CNTNAP4: variants seen among roughly 807,000 people sequenced by gnomAD.
The protein encoded by CNTNAP4 is contactin associated protein family member 4.
In CNTNAP4, 98 loss-of-function variants were observed where a neutral mutation model predicts 148.4. That is an observed-to-expected ratio of 0.66 (90% CI 0.56 to 0.78). The LOEUF is 0.78. CNTNAP4 is among the 30% of genes least tolerant of loss of function. The probability of loss-of-function intolerance (pLI) is 0.00; values close to 1 mark genes in which losing one functional copy is unlikely to be tolerated. For missense variants in CNTNAP4, 1,935 were observed against 1,565.6 expected (o/e 1.24, Z -3.98); for synonymous variants, 730 against 565.1 (o/e 1.29, Z -4.14).
rs778423172 is a variant in CNTNAP4, at chr16:76,462,133, CAACTGA to C, written c.1483+30_1483+35del. The C allele has an allele frequency of 4.4e-6, 7 of 1,588,430 alleles. No homozygotes were observed. In the African/African-American group the frequency reaches 8.1e-5, roughly 18 times the overall value. ...AAGAATAGGTGCCAGGCTCTATGAG[CAACTGA>C]ACCATATTTGCATTAGTGCCCCCGT... On this transcript the variant is annotated intron_variant, in intron 9 of 23. Coordinates refer to ENST00000611870, the MANE Select transcript of CNTNAP4 (RefSeq NM_033401.5).
intron 3 of CNTNAP4, among the ~76,000 whole-genome samples, chr16:76,358,806 G>C (rs1427446593): frequency 6.6e-6 from 1 of 152,110 alleles, no homozygotes; most frequent in Admixed American, 6.5e-5. Context: ...TTGTAGTGTA[G>C]ATAAAACAAC....
At chr16:76,469,478 AG>A (rs993072186) in intron 10 of CNTNAP4, 1 of 152,170 alleles carries the variant, frequency 6.6e-6, no homozygotes, top group African/African-American at 2.4e-5. Context: ...AGCAGCCATC[AG>A]GGAAACTGGC....
intron 2 of CNTNAP4, among the ~76,000 whole-genome samples, chr16:76,349,840 C>G (rs1965224190): frequency 6.6e-6 from 1 of 151,982 alleles, no homozygotes; most frequent in African/African-American, 2.4e-5. Flanking sequence ...TTCCTTCTGT[C>G]TCTGCAGTCT....
intron 3 of CNTNAP4, among the ~76,000 whole-genome samples, chr16:76,421,149 T>C (rs2079174584): frequency 6.6e-6 from 1 of 152,088 alleles, no homozygotes; most frequent in South Asian, 2.1e-4. Flanking sequence ...TACTAAACAG[T>C]ATATTTTATA....
At chr16:76,321,640 T>G (rs1456325687) in intron 2 of CNTNAP4, among the ~76,000 whole-genome samples, 1 of 151,348 alleles carries the variant, frequency 6.6e-6, no homozygotes, top group African/African-American at 2.4e-5. Flanking sequence ...ATACAAAAAA[T>G]TAGCCGGGCG....
intron 3 of CNTNAP4, among the ~76,000 whole-genome samples, chr16:76,357,752 C>T (rs934539398): frequency 7.2e-5 from 11 of 152,214 alleles, no homozygotes; most frequent in Admixed American, 2.0e-4. Flanking sequence ...GTGACTCTCT[C>T]TTGCCTCCAT....
At position 76,525,985 on chromosome 16, in the gene CNTNAP4, A is replaced by G. The variant is rs577039679; in HGVS notation, c.2755+3728A>G. ...TATGTATGTATCCGTACATGTATGC[A>G]TGCATGTGTGTGCTCATATATATAT... On this transcript the variant is annotated intron_variant, in intron 17 of 23. Coordinates refer to ENST00000611870, the MANE Select transcript of CNTNAP4 (RefSeq NM_033401.5). Among the ~76,000 whole-genome samples the G allele has an allele frequency of 2.4e-4, 37 of 151,824 alleles. 1 individual carries two copies. The highest frequency in any genetic ancestry group is 5.9e-5 in the Non-Finnish European group (4 of 67,964).
At chr16:76,490,220 G>A (rs2143784084) in intron 13 of CNTNAP4, among the ~76,000 whole-genome samples, 1 of 152,262 alleles carries the variant, frequency 6.6e-6, no homozygotes, top group African/African-American at 2.4e-5. Flanking sequence ...GACACATAAG[G>A]TTTATTTTAT....
chr16:76,317,894 A>T (rs921538950), intron 2 of CNTNAP4, among the ~76,000 whole-genome samples: 4 of 152,210 alleles, frequency 2.6e-5, no homozygotes, highest in African/African-American at 9.6e-5. Context: ...ATGTGAAGGT[A>T]TCAGTGGAGA....
chr16:76,420,188 C>G (rs1014062883), intron 3 of CNTNAP4, among the ~76,000 whole-genome samples: 23 of 65,130 alleles, frequency 3.5e-4, no homozygotes, highest in Admixed American at 2.7e-3. Context: ...TATATTCTAA[C>G]AGAATAATAT....
At chr16:76,474,602 TTTA>T (rs2143599597) in intron 10 of CNTNAP4, among the ~76,000 whole-genome samples, 1 of 152,252 alleles carries the variant, frequency 6.6e-6, no homozygotes, top group Non-Finnish European at 1.5e-5. Flanking sequence ...GGTTTTGTAG[TTTA>T]TTTAGTCGTT....
At chr16:76,339,173 G>A (rs1964263380) in intron 2 of CNTNAP4, among the ~76,000 whole-genome samples, 2 of 146,480 alleles carry the variant, frequency 1.4e-5, no homozygotes, top group Admixed American at 1.4e-4. Context: ...GGCATTTAGA[G>A]ATTTTTAAAA....
intron 1 of CNTNAP4, among the ~76,000 whole-genome samples, chr16:76,283,012 C>T (rs1958746131): frequency 6.6e-6 from 1 of 151,486 alleles, no homozygotes; most frequent in South Asian, 2.1e-4. Flanking sequence ...ACCCCCCCAC[C>T]AAAAAAACTA....
At chr16:76,325,033 G>A (rs1962825679) in intron 2 of CNTNAP4, among the ~76,000 whole-genome samples, 1 of 152,140 alleles carries the variant, frequency 6.6e-6, no homozygotes, top group Non-Finnish European at 1.5e-5. Context: ...AACCAAGACA[G>A]CCAGCCCTCG....
At chr16:76,380,837 A>T (rs1339524663) in intron 3 of CNTNAP4, among the ~76,000 whole-genome samples, 1 of 152,166 alleles carries the variant, frequency 6.6e-6, no homozygotes, top group African/African-American at 2.4e-5. Context: ...TATATATAGG[A>T]TGCCTCTTCC....
chr16:76,375,691 G>A (rs1308496016), intron 3 of CNTNAP4, among the ~76,000 whole-genome samples: 1 of 152,082 alleles, frequency 6.6e-6, no homozygotes, highest in Non-Finnish European at 1.5e-5. Context: ...TGGGGCTAGG[G>A]TAGCAAACAT....
At chr16:76,451,871 A>C (rs990914230) in intron 7 of CNTNAP4, among the ~76,000 whole-genome samples, 2 of 152,178 alleles carry the variant, frequency 1.3e-5, no homozygotes, top group Non-Finnish European at 2.9e-5. Flanking sequence ...CAAAATAGCT[A>C]CAAGATAAGT....
chr16:76,290,591 CA>C (rs1959074621), intron 1 of CNTNAP4, among the ~76,000 whole-genome samples: 1 of 152,114 alleles, frequency 6.6e-6, no homozygotes, highest in South Asian at 2.1e-4. Flanking sequence ...TTTGAGTCAA[CA>C]ATTTCAAGAA....
chr16:76,538,228 G>A lies in CNTNAP4; in HGVS notation c.3108G>A (p.Lys1036=), dbSNP rs2084299181. The change falls in exon 19 of 24, where the codon AAG becomes AAA. Residue 1036 remains lysine (K), a synonymous_variant. Coordinates refer to ENST00000611870, the MANE Select transcript of CNTNAP4 (RefSeq NM_033401.5). ...CTGCTTCATTTCATGGTGATATGAA[G>A]CTGAGCAGAGAAATGATCAAATTTA... ...SHAASFHGDM[K]LSREMIKFSF... 2 of 1,611,042 alleles carry A rather than the reference G, an allele frequency of 1.2e-6. No homozygotes were observed. The highest frequency in any genetic ancestry group is 1.6e-4 in the Middle Eastern group (1 of 6,076).
Sources: allele counts gnomAD v4.1 joint callset (sites outside exome capture counted in the v4.1 genomes callset), GRCh38; gene constraint gnomAD v4.1.1; transcripts MANE v1.5; gene names NCBI Gene and HGNC (gene_info 2026-07-23, HGNC 2026-07-21).